The following USH2A variants were observed in gnomAD, a reference collection of about 807,000 sequenced individuals.
The protein encoded by USH2A is usherin.
A neutral mutation model predicts 538.9 loss-of-function variants in USH2A; 443 were observed. The ratio of observed to expected loss-of-function variants is 0.82; its 90% CI spans 0.76 to 0.89. The LOEUF is 0.89. Among genes scored for constraint, USH2A ranks in the 40% least tolerant of loss-of-function variants. USH2A has a pLI of 0.00. For synonymous variants in USH2A, 2,413 were observed against 2,273.5 expected (o/e 1.06, Z -1.75); for missense variants, 6,633 against 6,324.8 (o/e 1.05, Z -1.65).
rs763780083 is a variant in USH2A at position 216,325,598 on chromosome 1, C to G, written c.850G>C (p.Glu284Gln). 1.2e-6 allele frequency: 2 copies of G among 1,612,766 alleles called. No individual in the cohort carries two copies. Among genetic ancestry groups the G allele is most frequent in the Admixed American group, 3.3e-5 (2 of 59,896 alleles). ...TCTCCAGAGAAGACTTCCAGAATCT[C>G]TCTGTGGGAGTCAAGAGGGAGACTG... is the stretch of plus-strand genomic sequence containing the variant. Reference protein sequence around the residue: ...RLYQVALTNREILEVFSGDLL... With the variant: ...RLYQVALTNRQILEVFSGDLL... The change falls in exon 6 of 72, where the codon GAG becomes CAG. Residue 284 changes from glutamate (E) to glutamine (Q), a missense_variant and splice_region_variant. Coordinates refer to ENST00000307340, the MANE Select transcript of USH2A (RefSeq NM_206933.4).
intron 35 of USH2A, among the ~76,000 whole-genome samples, chr1:215,973,256 T>C (rs1487310459): frequency 6.6e-6 from 1 of 152,148 alleles, no homozygotes; most frequent in African/African-American, 2.4e-5. Flanking sequence ...ATGTGCATAA[T>C]ATCTCATTTA....
chr1:216,417,185 T>C (rs946691704), intron 3 of USH2A, among the ~76,000 whole-genome samples: 19 of 151,228 alleles, frequency 1.3e-4, no homozygotes, highest in Non-Finnish European at 2.1e-4. Flanking sequence ...GCTAAACTCA[T>C]ATCTTAGTAT....
intron 30 of USH2A, among the ~76,000 whole-genome samples, chr1:216,059,933 C>T (rs1057196424): frequency 6.6e-6 from 1 of 152,134 alleles, no homozygotes; most frequent in East Asian, 1.9e-4. Context: ...TCAAGATCCC[C>T]AATTCTTACT....
intron 58 of USH2A, among the ~76,000 whole-genome samples, chr1:215,747,575 G>T (rs1660505931): frequency 6.6e-6 from 1 of 152,158 alleles, no homozygotes; most frequent in South Asian, 2.1e-4. Context: ...TGTGCCAGAG[G>T]TAAAATAAAA....
At chr1:216,336,986 T>C (rs143225763) in intron 4 of USH2A, among the ~76,000 whole-genome samples, 140 of 151,534 alleles carry the variant, frequency 9.2e-4, no homozygotes, top group Non-Finnish European at 1.6e-3. Context: ...AGGAACAAGG[T>C]AGAAGTTGAA....
chr1:216,296,176 G>A (rs1330719805), intron 9 of USH2A, among the ~76,000 whole-genome samples: 4 of 151,968 alleles, frequency 2.6e-5, no homozygotes, highest in Non-Finnish European at 5.9e-5. Context: ...TAAACATTAG[G>A]TCACACTGTT....
intron 21 of USH2A, among the ~76,000 whole-genome samples, chr1:216,113,152 A>C (rs75920196): frequency 0.011 from 1,655 of 146,552 alleles, 26 homozygotes; most frequent in African/African-American, 0.023. Context: ...AAAAAAAAAA[A>C]AAAACAAAAC....
intron 35 of USH2A, among the ~76,000 whole-genome samples, chr1:215,982,140 ATG>A (rs1667766581): frequency 6.6e-6 from 1 of 152,206 alleles, no homozygotes; most frequent in Admixed American, 6.5e-5. Context: ...CCCTTCTGTC[ATG>A]ACCACGTACC....
intron 61 of USH2A, among the ~76,000 whole-genome samples, chr1:215,725,896 T>C (rs1659802372): frequency 6.6e-6 from 1 of 152,194 alleles, no homozygotes. Flanking sequence ...ACAGAGTTCA[T>C]GGATTCATCA....
At position 215,622,906 on chromosome 1, in the gene USH2A, A is replaced by ATAT. The variant is rs1655837129; in HGVS notation, c.*2872_*2874dup. 6.6e-6 allele frequency: 1 copy of ATAT among 152,162 alleles called. No individual in the cohort carries two copies. The highest frequency in any genetic ancestry group is 1.5e-5 in the Non-Finnish European group (1 of 68,006). 9.4% of individuals were successfully genotyped at this position (152,162 alleles called of 1,614,324 possible). On this transcript the variant is annotated 3_prime_UTR_variant, in exon 72 of 72. Coordinates refer to ENST00000307340, the MANE Select transcript of USH2A (RefSeq NM_206933.4). ...TAAGCCAGAATTAGGTCACATTCAA[A>ATAT]TATTTATTAAGCAAACCATCTTTAG...
intron 15 of USH2A, among the ~76,000 whole-genome samples, chr1:216,208,893 T>C (rs570260860): frequency 6.6e-6 from 1 of 152,290 alleles, no homozygotes; most frequent in Admixed American, 6.5e-5. Flanking sequence ...GGAAGCTCCT[T>C]AGAAACTCAG....
chr1:215,806,347 AC>A (rs1277565752), intron 49 of USH2A, among the ~76,000 whole-genome samples: 1 of 152,092 alleles, frequency 6.6e-6, no homozygotes, highest in Non-Finnish European at 1.5e-5. Context: ...TTAAATGTGC[AC>A]CTGAAAGTCT....
In USH2A at chr1:216,245,515, GAGAC is replaced by G. The variant is rs1354892171; in HGVS notation, c.2809+1066_2809+1069del. On this transcript the variant is annotated intron_variant, in intron 13 of 71. Transcript: ENST00000307340. ...AGAGAGAGAGAGAGAGAGAGAGAGAGAGACAAATGAATATGTATCAGTGGAAGCA... is the reference window on the plus strand; with the variant it reads ...AGAGAGAGAGAGAGAGAGAGAGAGAGAAATGAATATGTATCAGTGGAAGCA... Among the ~76,000 whole-genome samples the G allele has an allele frequency of 3.0e-4, 43 of 141,796 alleles. 1 individual carries two copies. Among genetic ancestry groups the G allele is most frequent in the Admixed American group, 1.1e-3 (15 of 13,762 alleles). 93.0% of individuals were successfully genotyped at this position (141,796 alleles called of 152,430 possible).
At chr1:216,407,511 T>C (rs1386732854) in intron 3 of USH2A, among the ~76,000 whole-genome samples, 1 of 152,126 alleles carries the variant, frequency 6.6e-6, no homozygotes, top group Non-Finnish European at 1.5e-5. Flanking sequence ...CTGCATAGAA[T>C]ACTTTTGAAT....
intron 35 of USH2A, among the ~76,000 whole-genome samples, chr1:215,988,615 T>C (rs1667935125): frequency 6.6e-6 from 1 of 152,316 alleles, no homozygotes; most frequent in African/African-American, 2.4e-5. Context: ...CATTTAATAT[T>C]CCCACCAACA....
rs764124390 is a variant in USH2A at position 215,640,624 on chromosome 1, C to T, written c.14902G>A (p.Asp4968Asn). The T allele has an allele frequency of 3.0e-5, 49 of 1,613,750 alleles. 1 individual carries two copies. Among genetic ancestry groups the T allele is most frequent in the Middle Eastern group, 3.3e-4 (2 of 6,058 alleles). Residue 4968 changes from aspartate to asparagine, a missense_variant, in exon 68 of 72, where the codon GAC becomes AAC. Physicochemically the swap from Asp to Asn is conservative, Grantham distance 23. Transcript: ENST00000307340. ...CCGCTGTACACGCGTCGCCCTCCGT[C>T]GGTTAACACGTACTCCTTCAGTTGG... ...NGQLKEYVLT[D>N]GGRRVYSGLD...
At chr1:216,202,547 A>G (rs1199627858) in intron 16 of USH2A, among the ~76,000 whole-genome samples, 2 of 152,160 alleles carry the variant, frequency 1.3e-5, no homozygotes, top group Non-Finnish European at 2.9e-5. Flanking sequence ...ACGGATCTTT[A>G]ACACTGAATT....
In USH2A at chr1:215,680,015, G is replaced by A. The variant is rs10864183; in HGVS notation, c.12294+134C>T. The A allele has an allele frequency of 0.24, 201,763 of 848,660 alleles. 27,782 individuals carry two copies. Among genetic ancestry groups the A allele is most frequent in the South Asian group, 0.48 (33,985 of 70,672 alleles). The allele number at this position is 848,660 out of a possible 1,614,324, so 52.6% of individuals were successfully genotyped here. A position where few individuals can be genotyped will look rare whatever the true frequency, so the allele number is the denominator to read the frequency against. On this transcript the variant is annotated intron_variant, in intron 62 of 71. Coordinates refer to ENST00000307340, the MANE Select transcript of USH2A (RefSeq NM_206933.4). ...AGGTTTCTGTGATCTATGATTAAGT[G>A]CCTGGAGGAGCTATCAAGGAGAATT...
At chr1:216,324,112 G>C (rs1031883485) in intron 7 of USH2A, 56 bp downstream of exon 7, 179 of 1,567,320 alleles carry the variant, frequency 1.1e-4, no homozygotes, top group Non-Finnish European at 1.5e-4. Context: ...TAGCATACTT[G>C]TACATTATTA....
Sources: gnomAD v4.1 joint callset for allele counts (sites outside exome capture counted in the v4.1 genomes callset) on GRCh38, gnomAD v4.1.1 for gene constraint, MANE v1.5 for transcripts, NCBI Gene and HGNC (gene_info 2026-07-23, HGNC 2026-07-21) for gene names.